DRC4: variants seen among roughly 807,000 people sequenced by gnomAD.
DRC4 encodes GAS-11.
chr16:90,024,140 T>TCACA, the DRC4 span, among the ~76,000 whole-genome samples: 23 of 143,936 alleles, frequency 1.6e-4, no homozygotes, highest in African/African-American at 5.7e-4. Flanking sequence ...ACACACACAC[T>TCACA]CACACACACA....
the DRC4 span, chr16:90,037,329 A>G: frequency 1.2e-6 from 2 of 1,614,096 alleles, no homozygotes; most frequent in Non-Finnish European, 1.7e-6. Context: ...CCTCTCCAGA[A>G]GGCTCGGGAG....
chr16:90,029,296 TG>T, the DRC4 span: 1 of 1,365,826 alleles, frequency 7.3e-7, no homozygotes, highest in Non-Finnish European at 9.8e-7. Flanking sequence ...TGGGGAGGGA[TG>T]GGGGTGACCT....
At chr16:90,025,201 TAG>T in the DRC4 span, among the ~76,000 whole-genome samples, 1 of 150,678 alleles carries the variant, frequency 6.6e-6, no homozygotes, top group African/African-American at 2.4e-5. Flanking sequence ...GTATTTTTAG[TAG>T]AGACAGGGTT....
the DRC4 span, among the ~76,000 whole-genome samples, chr16:90,024,138 ACT>A: frequency 0.01 from 1,434 of 142,184 alleles, 34 homozygotes; most frequent in African/African-American, 0.029. Flanking sequence ...ACACACACAC[ACT>A]CACACACACA....
the DRC4 span, chr16:90,035,560 C>T: frequency 6.2e-7 from 1 of 1,602,084 alleles, no homozygotes; most frequent in Non-Finnish European, 8.5e-7. Context: ...CCATGAGGAA[C>T]AGGGTCAGCC....
chr16:90,042,183 T>A, the DRC4 span: 1 of 496,786 alleles, frequency 2.0e-6, no homozygotes, highest in Non-Finnish European at 3.9e-6. Flanking sequence ...TGATCTGCCC[T>A]CCTTGGCCTC....
At chr16:90,035,481 G>C in the DRC4 span, 2 of 972,900 alleles carry the variant, frequency 2.1e-6, no homozygotes, top group Non-Finnish European at 3.2e-6. Context: ...GTCTGTTCAT[G>C]TTCTCTCTCA....
chr16:90,033,689 T>C, the DRC4 span, among the ~76,000 whole-genome samples: 1 of 151,936 alleles, frequency 6.6e-6, no homozygotes, highest in Admixed American at 6.6e-5. Context: ...ATTTGCTGAG[T>C]GTCCATTAGC....
At chr16:90,026,189 C>T in the DRC4 span, among the ~76,000 whole-genome samples, 1 of 152,110 alleles carries the variant, frequency 6.6e-6, no homozygotes, top group Non-Finnish European at 1.5e-5. Context: ...GTAGCAAAGT[C>T]AGCAGGATAG....
the DRC4 span, among the ~76,000 whole-genome samples, chr16:90,027,289 T>C: frequency 1.6e-3 from 237 of 151,796 alleles, 2 homozygotes; most frequent in Non-Finnish European, 2.3e-3. Context: ...GGGGTTTCAC[T>C]GTGTTAGCCG....
the DRC4 span, chr16:90,029,633 C>CGAGA: frequency 4.5e-6 from 1 of 222,508 alleles, no homozygotes; most frequent in Non-Finnish European, 9.6e-6. Flanking sequence ...CTCAGAACCC[C>CGAGA]TCCTGCTGCT....
chr16:90,032,892 G>A, the DRC4 span: 1 of 1,613,712 alleles, frequency 6.2e-7, no homozygotes, highest in African/African-American at 1.3e-5. Flanking sequence ...GCAGGAGCTG[G>A]CCAGTGAGGT....
the DRC4 span, chr16:90,037,302 A>G: frequency 1.1e-5 from 18 of 1,614,054 alleles, no homozygotes; most frequent in Non-Finnish European, 1.5e-5. Flanking sequence ...TCTGGGCAGA[A>G]CAAGCGCCTG....
chr16:90,029,090 C>T, the DRC4 span: 3 of 1,309,280 alleles, frequency 2.3e-6, no homozygotes, highest in South Asian at 1.2e-5. Flanking sequence ...TCCCTGTCCG[C>T]TTCCCATTCC....
chr16:90,035,735 C>T, the DRC4 span: 1,130 of 1,614,116 alleles, frequency 7.0e-4, 13 homozygotes, highest in African/African-American at 0.014. Context: ...ACACCCCCGC[C>T]CCATCAGAGA....
At chr16:90,044,114 C>G in the DRC4 span, 6 of 452,480 alleles carry the variant, frequency 1.3e-5, no homozygotes, top group African/African-American at 1.2e-4. Flanking sequence ...CCTTCCGCAC[C>G]AGAGGGACAC....
chr16:90,028,245 C>T, the DRC4 span, among the ~76,000 whole-genome samples: 4 of 128,316 alleles, frequency 3.1e-5, no homozygotes, highest in East Asian at 2.4e-4. Context: ...AGTGCAGTGG[C>T]GCGATCTCGG....
At chr16:90,040,201 C>A in the DRC4 span, 1 of 1,158,250 alleles carries the variant, frequency 8.6e-7, no homozygotes, top group Non-Finnish European at 1.2e-6. Context: ...TGGGAGGCAG[C>A]GTGTTCCAGG....
At chr16:90,040,087 A>T in the DRC4 span, 1 of 601,428 alleles carries the variant, frequency 1.7e-6, no homozygotes, top group Non-Finnish European at 3.0e-6. Context: ...GCTTATGCTG[A>T]TGTGTTCCTC....
Sources: gnomAD v4.1 joint callset for allele counts (sites outside exome capture counted in the v4.1 genomes callset) on GRCh38, gnomAD v4.1.1 for gene constraint, MANE v1.5 for transcripts, NCBI Gene and HGNC (gene_info 2026-07-23, HGNC 2026-07-21) for gene names.